The following TMED3 variants were observed in gnomAD, a reference collection of about 807,000 sequenced individuals.
TMED3 encodes the protein transmembrane p24 trafficking protein 3.
Under a neutral mutation model 15.0 loss-of-function variants are expected in TMED3, and 9 were observed. The ratio of observed to expected loss-of-function variants is 0.60; its 90% confidence interval spans 0.36 to 1.04. The LOEUF is 1.04. TMED3 is among the 50% of genes least tolerant of loss of function. TMED3 has a pLI of 0.01. For missense variants in TMED3, 267 were observed against 278.9 expected, an observed-to-expected ratio of 0.96 and a Z score of 0.30; for synonymous variants, 117 against 121.4, an observed-to-expected ratio of 0.96 and a Z score of 0.24.
At chr15:79,373,126 T>A (rs1381142531) in intron 2 of TMED3, among the ~76,000 whole-genome samples, 2 of 152,242 alleles carry the variant, frequency 1.3e-5, no homozygotes, top group African/African-American at 4.8e-5. Flanking sequence ...CAAACAAGTC[T>A]GCAATAGTTA....
chr15:79,360,417 T>TGAC (rs1216078094), intron 2 of TMED3, among the ~76,000 whole-genome samples: 2 of 152,198 alleles, frequency 1.3e-5, no homozygotes, highest in Non-Finnish European at 2.9e-5. Flanking sequence ...ATAGCTACTG[T>TGAC]CTTCTATCAA....
chr15:79,381,314 G>T (rs1040299627), intron 2 of TMED3, among the ~76,000 whole-genome samples: 2 of 152,120 alleles, frequency 1.3e-5, no homozygotes, highest in Admixed American at 1.3e-4. Flanking sequence ...AAGGCAGAGT[G>T]CACACAGACC....
At chr15:79,367,322 T>C (rs989761697) in intron 2 of TMED3, among the ~76,000 whole-genome samples, 2 of 152,182 alleles carry the variant, frequency 1.3e-5, no homozygotes, top group Non-Finnish European at 2.9e-5. Flanking sequence ...TCTTCTCACC[T>C]GGTGCAGTAG....
intron 2 of TMED3, among the ~76,000 whole-genome samples, chr15:79,354,943 T>C (rs1406244832): frequency 6.6e-6 from 1 of 152,120 alleles, no homozygotes; most frequent in Non-Finnish European, 1.5e-5. Flanking sequence ...ATGCCCTCTA[T>C]GAGTTATTTC....
intron 2 of TMED3, among the ~76,000 whole-genome samples, chr15:79,332,955 C>G (rs1475323182): frequency 1.3e-5 from 2 of 152,250 alleles, no homozygotes; most frequent in African/African-American, 4.8e-5. Flanking sequence ...TATTCCCAGT[C>G]TGTGCAGGAA....
chr15:79,413,575 T>A (rs1894023811), exon 3 of TMED3: 1 of 152,268 alleles, frequency 6.6e-6, no homozygotes, highest in Non-Finnish European at 1.5e-5. Flanking sequence ...ACCTTGGCCT[T>A]GTCCCAATTT....
chr15:79,409,514 A>G (rs576131427), intron 2 of TMED3, among the ~76,000 whole-genome samples: 90 of 152,314 alleles, frequency 5.9e-4, no homozygotes, highest in African/African-American at 2.1e-3. Context: ...TGGGCCCGCT[A>G]ACATTAATTT....
intron 2 of TMED3, among the ~76,000 whole-genome samples, chr15:79,401,724 T>A (rs1175194098): frequency 1.3e-5 from 2 of 152,118 alleles, no homozygotes. Context: ...TGCCAGTAAC[T>A]GCAAAAAGGA....
intron 2 of TMED3, among the ~76,000 whole-genome samples, chr15:79,358,463 T>C (rs773712418): frequency 7.2e-5 from 11 of 152,202 alleles, no homozygotes; most frequent in Non-Finnish European, 1.2e-4. Flanking sequence ...GATTGCAGTC[T>C]AGACTGAGCA....
intron 2 of TMED3, among the ~76,000 whole-genome samples, chr15:79,356,204 T>A (rs752067568): frequency 5.3e-5 from 8 of 152,148 alleles, no homozygotes; most frequent in Non-Finnish European, 1.2e-4. Context: ...AACAGGATTT[T>A]GTTAGATTGG....
At chr15:79,396,017 A>G (rs1361395407) in intron 2 of TMED3, among the ~76,000 whole-genome samples, 1 of 152,130 alleles carries the variant, frequency 6.6e-6, no homozygotes, top group Admixed American at 6.5e-5. Flanking sequence ...AATTCAGGCA[A>G]CTCCTGAAGG....
intron 2 of TMED3, among the ~76,000 whole-genome samples, chr15:79,380,596 TATATAG>T (rs1567036696): frequency 1.4e-5 from 2 of 145,020 alleles, no homozygotes; most frequent in African/African-American, 5.1e-5. Flanking sequence ...TATATATATA[TATATAG>T]AGAGAGAGAG....
chr15:79,411,536 A>G lies in TMED3; in HGVS notation c.*32A>G, dbSNP rs898400935. The G allele has an allele frequency of 4.3e-6, 3 of 700,688 alleles. No homozygotes were observed. The Admixed American group carries it at 6.0e-5, about 14-fold the overall frequency. The allele number at this position is 700,688 out of a possible 1,614,324, so 43.4% of individuals were successfully genotyped here. A position where few individuals can be genotyped will look rare whatever the true frequency, so the allele number is the denominator to read the frequency against. On this transcript the variant is annotated 3_prime_UTR_variant, in exon 3 of 3. Coordinates refer to the TMED3 transcript ENST00000424155. ...TTCAGCGGGGAGGCACTGAGAGTGG[A>G]TGGAGGGAAGACACAGAAGCTACGC...
intron 2 of TMED3, among the ~76,000 whole-genome samples, chr15:79,381,097 G>A (rs1392343510): frequency 3.3e-5 from 5 of 152,162 alleles, no homozygotes; most frequent in Non-Finnish European, 5.9e-5. Flanking sequence ...CCTGGAAATT[G>A]ATTCCCTTCC....
intron 2 of TMED3, among the ~76,000 whole-genome samples, chr15:79,396,178 C>T (rs948457896): frequency 6.6e-6 from 1 of 152,192 alleles, no homozygotes; most frequent in Non-Finnish European, 1.5e-5. Context: ...TCCATCAGTT[C>T]TACTCTTTAA....
intron 2 of TMED3, among the ~76,000 whole-genome samples, chr15:79,400,414 C>G (rs1175654320): frequency 6.6e-6 from 1 of 152,200 alleles, no homozygotes; most frequent in Non-Finnish European, 1.5e-5. Flanking sequence ...ACCATAGAGG[C>G]AGGGATATCA....
chr15:79,366,768 A>C (rs1420605975), intron 2 of TMED3, among the ~76,000 whole-genome samples: 1 of 152,200 alleles, frequency 6.6e-6, no homozygotes, highest in Non-Finnish European at 1.5e-5. Context: ...TGGCTTCACA[A>C]ATCTAAAGCT....
At chr15:79,387,830 C>T (rs577542514) in intron 2 of TMED3, among the ~76,000 whole-genome samples, 42 of 152,268 alleles carry the variant, frequency 2.8e-4, no homozygotes, top group African/African-American at 9.4e-4. Flanking sequence ...TGGATTCCTA[C>T]ATACCTGATA....
chr15:79,411,355 C>G (rs976962535), intron 2 of TMED3: 1 of 700,236 alleles, frequency 1.4e-6, no homozygotes, highest in South Asian at 1.5e-5. Context: ...GTTCATGGTT[C>G]CACATTTCAT....
Sources: gnomAD v4.1 joint callset for allele counts (sites outside exome capture counted in the v4.1 genomes callset) on GRCh38, gnomAD v4.1.1 for gene constraint, MANE v1.5 for transcripts, NCBI Gene and HGNC (gene_info 2026-07-23, HGNC 2026-07-21) for gene names.